Variants in GAS2 observed in about 807,000 individuals in gnomAD.
The protein encoded by GAS2 is growth arrest specific 2.
In GAS2, 20 loss-of-function variants were observed where a neutral mutation model predicts 37.5. That is an observed-to-expected ratio of 0.53 (90% confidence interval 0.37 to 0.77). The LOEUF (loss-of-function observed/expected upper bound fraction) is 0.77. Among genes scored for constraint, GAS2 ranks in the 30% least tolerant of loss-of-function variants. The pLI is 0.00. For missense variants in GAS2, 336 were observed against 373.4 expected (o/e 0.90, Z 0.82); for synonymous variants, 144 against 132.2 (o/e 1.09, Z -0.61).
chr11:22,664,243 T>C (rs1848949735), upstream of GAS2, among the ~76,000 whole-genome samples: 1 of 152,196 alleles, frequency 6.6e-6, no homozygotes. Flanking sequence ...GAAGGTTTGC[T>C]TCACTTTTCA....
At chr11:22,685,628 T>C in intron 2 of GAS2, 40 bp from the exon 3 acceptor site, 1 of 1,597,330 alleles carries the variant, frequency 6.3e-7, no homozygotes, top group Non-Finnish European at 8.5e-7. Flanking sequence ...GAATCTGACA[T>C]TTGATTTTCC....
chr11:22,626,935 C>T (rs150481134), intron 1 of GAS2: 1 of 152,286 alleles, frequency 6.6e-6, no homozygotes, highest in African/African-American at 2.4e-5. Flanking sequence ...AACGGAGTCT[C>T]ATTCTGTCGC....
intron 4 of GAS2, among the ~76,000 whole-genome samples, chr11:22,732,766 C>T (rs1475868647): frequency 8.7e-6 from 1 of 114,374 alleles, no homozygotes; most frequent in African/African-American, 2.9e-5. Flanking sequence ...ATTTCCCCTC[C>T]ATTTATCATC....
At chr11:22,683,601 A>T (rs1024853426) in intron 2 of GAS2, among the ~76,000 whole-genome samples, 1 of 152,032 alleles carries the variant, frequency 6.6e-6, no homozygotes, top group South Asian at 2.1e-4. Flanking sequence ...ATTGAACTAC[A>T]TGCCTGTTTC....
At chr11:22,767,739 C>T (rs972830924) in intron 7 of GAS2, among the ~76,000 whole-genome samples, 4 of 152,108 alleles carry the variant, frequency 2.6e-5, no homozygotes, top group Admixed American at 2.0e-4. Context: ...AAGAAATATG[C>T]TTTGCAAGTG....
At chr11:22,760,040 C>T (rs1485787804) in intron 7 of GAS2, among the ~76,000 whole-genome samples, 1 of 152,204 alleles carries the variant, frequency 6.6e-6, no homozygotes, top group East Asian at 1.9e-4. Flanking sequence ...TCACTGCAAC[C>T]TCCATCTCCC....
chr11:22,723,153 G>C (rs1384452940), intron 3 of GAS2, among the ~76,000 whole-genome samples: 3 of 151,822 alleles, frequency 2.0e-5, no homozygotes, highest in African/African-American at 7.3e-5. Context: ...GTCTTCAGCT[G>C]GCATGGGAAC....
intron 6 of GAS2, among the ~76,000 whole-genome samples, chr11:22,749,612 T>G (rs571042602): frequency 6.6e-6 from 1 of 152,152 alleles, no homozygotes; most frequent in African/African-American, 2.4e-5. Context: ...TGAGGATTGT[T>G]AAAGAAGGGA....
rs887202684 is a variant in GAS2 at position 22,666,628 on chromosome 11, C to T, written c.-292C>T. ...AAAAAGTAAGCATTTTACTTCCGCT[C>T]GGTCTATGAGGACTGATGAAATGTA... On this transcript the variant is annotated 5_prime_UTR_variant, in exon 1 of 8. Coordinates refer to ENST00000454584, the MANE Select transcript of GAS2 (RefSeq NM_001143830.3). The T allele has an allele frequency of 3.9e-5, 6 of 152,230 alleles. No individual in the cohort carries two copies. Among genetic ancestry groups the T allele is most frequent in the South Asian group, 2.1e-4 (1 of 4,830 alleles). 9.4% of individuals were successfully genotyped at this position (152,230 alleles called of 1,614,324 possible). A position where few individuals can be genotyped will look rare whatever the true frequency, so the allele number is the denominator to read the frequency against.
In GAS2 at chr11:22,811,814, A is replaced by G. The variant is rs1857185049; in HGVS notation, c.740A>G (p.His247Arg). 1.9e-6 allele frequency: 3 copies of G among 1,613,922 alleles called. No homozygotes were observed. Among genetic ancestry groups the G allele is most frequent in the Non-Finnish European group, 1.7e-6 (2 of 1,179,946 alleles). Residue 247 changes from histidine (H) to arginine (R), a missense_variant, in exon 8 of 8, where the codon CAT (histidine) becomes CGT (arginine). Coordinates refer to ENST00000454584, the MANE Select transcript of GAS2 (RefSeq NM_001143830.3). ...TCATTTCAGATGCTGCACAACAAAC[A>G]TGTCATGGTCCGTGTGGGAGGAGGC... ...ILFIRMLHNK[H>R]VMVRVGGGWE...
chr11:22,716,676 A>G (rs1423466646), intron 3 of GAS2, among the ~76,000 whole-genome samples: 1 of 151,732 alleles, frequency 6.6e-6, no homozygotes, highest in East Asian at 1.9e-4. Context: ...GAAATAAAGG[A>G]CATTCAAATT....
At chr11:22,669,893 C>T (rs1849133421) in intron 1 of GAS2, among the ~76,000 whole-genome samples, 1 of 152,102 alleles carries the variant, frequency 6.6e-6, no homozygotes, top group African/African-American at 2.4e-5. Context: ...TCTGATTAGA[C>T]CTTTAGAGTA....
At chr11:22,728,947 A>C (rs1852345058) in intron 4 of GAS2, among the ~76,000 whole-genome samples, 1 of 150,924 alleles carries the variant, frequency 6.6e-6, no homozygotes, top group South Asian at 2.1e-4. Context: ...CTCTACTTGC[A>C]GAATTGACTT....
intron 7 of GAS2, among the ~76,000 whole-genome samples, chr11:22,807,839 G>T (rs1347013444): frequency 6.6e-6 from 1 of 152,146 alleles, no homozygotes; most frequent in Non-Finnish European, 1.5e-5. Context: ...AGAAGCAGGT[G>T]GTCCCTTAGG....
intron 7 of GAS2, among the ~76,000 whole-genome samples, chr11:22,764,388 G>A (rs1038143320): frequency 1.3e-5 from 2 of 151,818 alleles, no homozygotes; most frequent in African/African-American, 4.8e-5. Flanking sequence ...GTGAAACCCC[G>A]TCTCTACTAA....
intron 4 of GAS2, among the ~76,000 whole-genome samples, chr11:22,728,923 C>A (rs967916284): frequency 6.7e-6 from 1 of 149,950 alleles, no homozygotes; most frequent in Non-Finnish European, 1.5e-5. Context: ...TGAGCCGCTG[C>A]TGATGGCTTT....
At chr11:22,643,753 A>T (rs1482042852) in intron 1 of GAS2, among the ~76,000 whole-genome samples, 1 of 151,902 alleles carries the variant, frequency 6.6e-6, no homozygotes, top group Non-Finnish European at 1.5e-5. Flanking sequence ...AAGAAGTTGT[A>T]TTTCATATAG....
chr11:22,756,252 C>T (rs1435002435), intron 7 of GAS2, among the ~76,000 whole-genome samples: 3 of 151,680 alleles, frequency 2.0e-5, no homozygotes, highest in Non-Finnish European at 4.4e-5. Flanking sequence ...TTTAATCTCT[C>T]AAAGTAAGTT....
At chr11:22,786,668 G>C (rs955470937) in intron 7 of GAS2, among the ~76,000 whole-genome samples, 1 of 152,104 alleles carries the variant, frequency 6.6e-6, no homozygotes, top group African/African-American at 2.4e-5. Context: ...TGTGGAAATA[G>C]ACAAAAATAG....
Sources: allele counts gnomAD v4.1 joint callset (sites outside exome capture counted in the v4.1 genomes callset), GRCh38; gene constraint gnomAD v4.1.1; transcripts MANE v1.5; gene names NCBI Gene and HGNC (gene_info 2026-07-23, HGNC 2026-07-21).